TASP1: variants seen among roughly 807,000 people sequenced by gnomAD.
TASP1 encodes the protein threonine aspartase 1.
A neutral mutation model predicts 56.6 loss-of-function variants in TASP1; 16 were observed. The observed-to-expected ratio is 0.28, with a 90% CI of 0.19 to 0.43. The LOEUF is 0.43. TASP1 is among the 20% of genes least tolerant of loss of function. The pLI, the probability that TASP1 is intolerant of heterozygous loss-of-function variation, is 1.00. For missense variants in TASP1, 393 were observed against 511.6 expected, an observed-to-expected ratio of 0.77 and a Z score of 2.24; for synonymous variants, 179 against 184.2, an observed-to-expected ratio of 0.97 and a Z score of 0.23.
At chr20:13,423,533 AAAGGT>A (rs1188798144) in intron 12 of TASP1, among the ~76,000 whole-genome samples, 1 of 152,224 alleles carries the variant, frequency 6.6e-6, no homozygotes, top group Non-Finnish European at 1.5e-5. Flanking sequence ...CTAAAAAAAG[AAAGGT>A]AAGGTGGAGA....
chr20:13,288,703 T>C, the TASP1 span: 3 of 1,598,112 alleles, frequency 1.9e-6, no homozygotes, highest in Non-Finnish European at 2.6e-6. Context: ...CCTGAGTGTG[T>C]AGCTCCAAGT....
intron 10 of TASP1, among the ~76,000 whole-genome samples, chr20:13,519,556 T>C (rs1242420162): frequency 6.6e-6 from 1 of 152,124 alleles, no homozygotes; most frequent in Non-Finnish European, 1.5e-5. Flanking sequence ...AAAAGGCCTT[T>C]GACAAAATTC....
chr20:13,541,833 G>A (rs920584808), intron 8 of TASP1, among the ~76,000 whole-genome samples: 2 of 151,964 alleles, frequency 1.3e-5, no homozygotes, highest in South Asian at 2.1e-4. Context: ...CAAACACAAC[G>A]GCAAACCTGC....
chr20:13,306,564 C>CAAAAAAAAAAAAAAAAAAAAAAAAGA, the TASP1 span, among the ~76,000 whole-genome samples: 8 of 63,914 alleles, frequency 1.3e-4, no homozygotes, highest in South Asian at 7.8e-4. Context: ...GGAGAAAGGA[C>CAAAAAAAAAAAAAAAAAAAAAAAAGA]AAAAAAAAAA....
intron 13 of TASP1, among the ~76,000 whole-genome samples, chr20:13,406,456 C>A (rs1032925835): frequency 2.6e-5 from 4 of 152,060 alleles, no homozygotes; most frequent in African/African-American, 9.7e-5. Flanking sequence ...CAAGTTTTAT[C>A]TTTTATTTGC....
At chr20:13,521,818 T>A (rs967857336) in intron 10 of TASP1, among the ~76,000 whole-genome samples, 9 of 151,994 alleles carry the variant, frequency 5.9e-5, no homozygotes, top group Admixed American at 6.6e-5. Flanking sequence ...ACCAATTTTT[T>A]AAAAAGAAAA....
chr20:13,463,474 T>C (rs2044133691), intron 11 of TASP1, among the ~76,000 whole-genome samples: 1 of 151,950 alleles, frequency 6.6e-6, no homozygotes, highest in Non-Finnish European at 1.5e-5. Flanking sequence ...TTTTTGTATA[T>C]GACACCAAAA....
the TASP1 span, among the ~76,000 whole-genome samples, chr20:13,315,622 A>G: frequency 6.6e-5 from 10 of 152,142 alleles, no homozygotes; most frequent in Non-Finnish European, 1.5e-4. Flanking sequence ...CTCATAGTTG[A>G]ACTCAACAAC....
chr20:13,138,667 T>C, the TASP1 span, among the ~76,000 whole-genome samples: 1 of 152,214 alleles, frequency 6.6e-6, no homozygotes, highest in South Asian at 2.1e-4. Flanking sequence ...ACTTATAGAA[T>C]TATTTTAGTT....
At chr20:13,190,281 G>A in the TASP1 span, among the ~76,000 whole-genome samples, 1 of 152,168 alleles carries the variant, frequency 6.6e-6, no homozygotes, top group African/African-American at 2.4e-5. Context: ...TCCCTTGCAT[G>A]TAAAAGAAAA....
chr20:13,506,225 TAAG>T (rs56735000), intron 10 of TASP1, among the ~76,000 whole-genome samples: 36,930 of 151,760 alleles, frequency 0.24, 4,581 homozygotes, highest in Middle Eastern at 0.3. Flanking sequence ...AACAGACCAA[TAAG>T]AAGTAAGGAA....
chr20:13,271,218 G>A, the TASP1 span, among the ~76,000 whole-genome samples: 1 of 152,086 alleles, frequency 6.6e-6, no homozygotes, highest in Non-Finnish European at 1.5e-5. Flanking sequence ...AACTTGCCTT[G>A]GACACCAGAA....
chr20:13,282,902 T>C, the TASP1 span, among the ~76,000 whole-genome samples: 1 of 152,212 alleles, frequency 6.6e-6, no homozygotes, highest in African/African-American at 2.4e-5. Context: ...CCATTGTAGG[T>C]GCTCAGTAGC....
intron 10 of TASP1, among the ~76,000 whole-genome samples, chr20:13,501,145 G>A (rs2043930097): frequency 6.6e-6 from 1 of 151,916 alleles, no homozygotes; most frequent in Non-Finnish European, 1.5e-5. Context: ...AAAGCAAAGG[G>A]GAAGTAAAGA....
chr20:13,286,657 C>T, the TASP1 span, among the ~76,000 whole-genome samples: 4 of 152,158 alleles, frequency 2.6e-5, no homozygotes, highest in Admixed American at 6.5e-5. Context: ...AAATCCACCC[C>T]CCACCACCCC....
chr20:13,147,106 G>A, the TASP1 span, among the ~76,000 whole-genome samples: 8 of 152,150 alleles, frequency 5.3e-5, no homozygotes, highest in Non-Finnish European at 1.2e-4. Flanking sequence ...AGGCCATGCC[G>A]ACGGCTGCCC....
intron 4 of TASP1, 34 bp from the exon 5 acceptor site, chr20:13,587,404 A>G: frequency 1.3e-6 from 2 of 1,551,570 alleles, no homozygotes; most frequent in Non-Finnish European, 1.8e-6. Flanking sequence ...AAATATCATT[A>G]GTCTTAAAAA....
chr20:13,417,729 G>A (rs2042304323), intron 12 of TASP1, among the ~76,000 whole-genome samples: 1 of 152,112 alleles, frequency 6.6e-6, no homozygotes, highest in Non-Finnish European at 1.5e-5. Context: ...TCTCTTTCCT[G>A]TCAAAAGTTA....
chr20:13,132,171 A>ATTT, the TASP1 span, among the ~76,000 whole-genome samples: 674 of 103,988 alleles, frequency 6.5e-3, 18 homozygotes, highest in African/African-American at 7.3e-3. Flanking sequence ...CCTTGCTTTA[A>ATTT]TTTTTTTTTT....
Sources: allele counts gnomAD v4.1 joint callset (sites outside exome capture counted in the v4.1 genomes callset), GRCh38; gene constraint gnomAD v4.1.1; transcripts MANE v1.5; gene names NCBI Gene and HGNC (gene_info 2026-07-23, HGNC 2026-07-21).